The following CCDC7 variants were observed in gnomAD, a reference collection of about 807,000 sequenced individuals.
The protein encoded by CCDC7 is coiled-coil domain containing 7, also known as coiled-coil domain-containing protein 7.
In CCDC7, 183 loss-of-function variants were observed where a neutral mutation model predicts 196.9. The observed-to-expected ratio is 0.93, with a 90% CI of 0.82 to 1.05. CCDC7 has a LOEUF of 1.05. Among genes scored for constraint, CCDC7 ranks in the 50% least tolerant of loss-of-function variants. The pLI is 0.00. For missense variants in CCDC7, 1,540 were observed against 1,482.2 expected, an observed-to-expected ratio of 1.04 and a Z score of -0.64; for synonymous variants, 525 against 484.6, an observed-to-expected ratio of 1.08 and a Z score of -1.10.
intron 21 of CCDC7, among the ~76,000 whole-genome samples, chr10:32,669,575 A>G (rs540330685): frequency 4.6e-5 from 7 of 152,024 alleles, no homozygotes; most frequent in Non-Finnish European, 7.4e-5. Flanking sequence ...TTATTAGTTT[A>G]TTCATATTTC....
rs2093681574 is a variant in CCDC7, at chr10:32,854,599, C to A, written c.4111+110C>A. 1.5e-5 allele frequency: 10 copies of A among 655,308 alleles called. No homozygotes were observed. In the South Asian group the frequency reaches 1.8e-4, roughly 12 times the overall value. The allele number at this position is 655,308 out of a possible 1,614,324, so 40.6% of individuals were successfully genotyped here. A position where few individuals can be genotyped will look rare whatever the true frequency, so the allele number is the denominator to read the frequency against. On this transcript the variant is annotated intron_variant, in intron 41 of 41. Transcript: ENST00000639629. ...TGGGCTTCCTTCTTCAAACAACCAACCTTATGGGTGAGGCATGGTTTCCCA... is the reference window on the plus strand; with the variant it reads ...TGGGCTTCCTTCTTCAAACAACCAAACTTATGGGTGAGGCATGGTTTCCCA...
chr10:32,482,838 T>A (rs2040244300), intron 8 of CCDC7, among the ~76,000 whole-genome samples: 1 of 152,232 alleles, frequency 6.6e-6, no homozygotes, highest in South Asian at 2.1e-4. Flanking sequence ...TCATCCTTTT[T>A]TATGGCTGCA....
chr10:32,678,431 G>A (rs2075358833), intron 21 of CCDC7, among the ~76,000 whole-genome samples: 1 of 152,142 alleles, frequency 6.6e-6, no homozygotes, highest in African/African-American at 2.4e-5. Context: ...CATTAGCAGG[G>A]TTCATGGGCA....
At chr10:32,847,748 T>A in intron 37 of CCDC7, 85 bp from the exon 39 acceptor site, 1 of 835,376 alleles carries the variant, frequency 1.2e-6, no homozygotes, top group Non-Finnish European at 1.9e-6. Flanking sequence ...GAAAAAGAAA[T>A]TTCAAAAGAA....
At chr10:32,718,729 A>G (rs929919476) in intron 25 of CCDC7, among the ~76,000 whole-genome samples, 1 of 152,190 alleles carries the variant, frequency 6.6e-6, no homozygotes, top group Non-Finnish European at 1.5e-5. Context: ...TACACCAATA[A>G]TAGACAAACA....
At chr10:32,784,182 A>G (rs868453212) in intron 29 of CCDC7, among the ~76,000 whole-genome samples, 19 of 152,324 alleles carry the variant, frequency 1.2e-4, no homozygotes, top group Admixed American at 5.2e-4. Flanking sequence ...AGGTATTCTG[A>G]TAAAAATACA....
chr10:32,775,750 C>T lies in CCDC7; in HGVS notation c.2906-3227C>T, dbSNP rs149503525. 6.6e-3 allele frequency among the ~76,000 whole-genome samples: 1,001 copies of T among 152,286 alleles called. 9 individuals are homozygous for T. The highest frequency in any genetic ancestry group is 0.011 in the Non-Finnish European group (757 of 68,026). On this transcript the variant is annotated intron_variant, in intron 28 of 41. Transcript: ENST00000639629. ...GTACTAGCTGAAGATTTGTCCTTCA[C>T]ACATGAATATATGTCTTAAACTATC...
At chr10:32,751,018 A>C (rs1343395323) in intron 28 of CCDC7, among the ~76,000 whole-genome samples, 1 of 152,120 alleles carries the variant, frequency 6.6e-6, no homozygotes, top group Admixed American at 6.6e-5. Context: ...TCATTGCCAC[A>C]GTTGCCATTT....
At chr10:32,569,164 T>C (rs1387189283) in intron 15 of CCDC7, among the ~76,000 whole-genome samples, 1 of 152,204 alleles carries the variant, frequency 6.6e-6, no homozygotes, top group Non-Finnish European at 1.5e-5. Context: ...CATTCATTAA[T>C]AAAACATCTT....
At chr10:32,588,332 A>T (rs966447233) in intron 18 of CCDC7, among the ~76,000 whole-genome samples, 1 of 152,198 alleles carries the variant, frequency 6.6e-6, no homozygotes, top group African/African-American at 2.4e-5. Flanking sequence ...TCTTCTATTC[A>T]TAATTTTGTG....
chr10:32,476,813 G>A (rs1248891363), intron 8 of CCDC7, among the ~76,000 whole-genome samples: 1 of 152,182 alleles, frequency 6.6e-6, no homozygotes, highest in African/African-American at 2.4e-5. Context: ...TATACATGAT[G>A]TTGAGCATGT....
intron 5 of CCDC7, among the ~76,000 whole-genome samples, chr10:32,470,546 A>T (rs1299881810): frequency 6.6e-6 from 1 of 151,964 alleles, no homozygotes; most frequent in Non-Finnish European, 1.5e-5. Context: ...TTTTAGCTTG[A>T]TCTATTCCAA....
intron 25 of CCDC7, 129 bp from the exon 27 acceptor site, chr10:32,726,605 T>TA: frequency 2.0e-6 from 1 of 498,884 alleles, no homozygotes; most frequent in South Asian, 3.2e-5. Context: ...GATTTACTTA[T>TA]AATTTTATAA....
rs919460598 is a variant in CCDC7, at chr10:32,717,556, G to A, written c.2569+5826G>A. On this transcript the variant is annotated intron_variant, in intron 25 of 41. Coordinates refer to ENST00000639629, the Ensembl canonical transcript of CCDC7. ...GCAGAACTGAAGGAGAGAGAGACAC[G>A]AAAAACCCTTCAAAAATAAATGAAT... Among the ~76,000 whole-genome samples the A allele has an allele frequency of 5.3e-5, 8 of 151,760 alleles. No individual in the cohort carries two copies. The East Asian group carries it at 1.5e-3, about 29-fold the overall frequency.
chr10:32,577,533 A>G (rs191064096), intron 16 of CCDC7, among the ~76,000 whole-genome samples: 60 of 152,272 alleles, frequency 3.9e-4, no homozygotes, highest in Admixed American at 1.0e-3. Flanking sequence ...AGCATGTCCA[A>G]TACCATGGGA....
chr10:32,710,898 A>T (rs1462997557), intron 24 of CCDC7, among the ~76,000 whole-genome samples: 1 of 152,176 alleles, frequency 6.6e-6, no homozygotes, highest in African/African-American at 2.4e-5. Flanking sequence ...CTGCAACAAC[A>T]TAAGCAAGAG....
intron 21 of CCDC7, among the ~76,000 whole-genome samples, chr10:32,670,546 C>G (rs1326400850): frequency 3.7e-5 from 4 of 107,416 alleles, no homozygotes; most frequent in African/African-American, 1.5e-4. Context: ...CCCCCCTCCC[C>G]CCACCCCACA....
intron 31 of CCDC7, 152 bp downstream of exon 32, chr10:32,814,605 A>C: frequency 3.6e-6 from 2 of 557,096 alleles, no homozygotes; most frequent in Non-Finnish European, 6.4e-6. Context: ...TTTCAACTCT[A>C]GTTTCAACTA....
At chr10:32,516,840 A>G (rs1374690063) in intron 9 of CCDC7, among the ~76,000 whole-genome samples, 2 of 152,226 alleles carry the variant, frequency 1.3e-5, no homozygotes, top group Non-Finnish European at 2.9e-5. Flanking sequence ...ATGAAAACAC[A>G]TGTTCACACA....
Sources: gnomAD v4.1 joint callset for allele counts (sites outside exome capture counted in the v4.1 genomes callset) on GRCh38, gnomAD v4.1.1 for gene constraint, MANE v1.5 for transcripts, NCBI Gene and HGNC (gene_info 2026-07-23, HGNC 2026-07-21) for gene names.